Variants in NRG1 observed in about 807,000 individuals in gnomAD.
The protein encoded by NRG1 is pro-neuregulin-1, membrane-bound isoform.
A neutral mutation model predicts 63.8 loss-of-function variants in NRG1; 18 were observed. The ratio of observed to expected loss-of-function variants is 0.28; its 90% confidence interval spans 0.19 to 0.42. The LOEUF is 0.42. Ranked by LOEUF, NRG1 falls within the 10% of genes least tolerant of loss-of-function variation. The pLI is 1.00. For synonymous variants in NRG1, 302 were observed against 301.3 expected, an observed-to-expected ratio of 1.00 and a Z score of -0.02; for missense variants, 762 against 814.7, an observed-to-expected ratio of 0.94 and a Z score of 0.79.
At chr8:31,788,832 G>A (rs928464469) in intron 1 of NRG1, among the ~76,000 whole-genome samples, 2 of 152,192 alleles carry the variant, frequency 1.3e-5, no homozygotes, top group Non-Finnish European at 2.9e-5. Flanking sequence ...CTAACAACAA[G>A]TAAGTGAAGG....
intron 1 of NRG1, among the ~76,000 whole-genome samples, chr8:32,463,058 G>T (rs909210557): frequency 1.3e-5 from 2 of 151,190 alleles, no homozygotes; most frequent in East Asian, 3.9e-4. Flanking sequence ...GTAAGATCGT[G>T]CAGTAGTTTT....
chr8:32,156,671 C>A (rs1189947940), intron 1 of NRG1, among the ~76,000 whole-genome samples: 1 of 152,222 alleles, frequency 6.6e-6, no homozygotes, highest in African/African-American at 2.4e-5. Flanking sequence ...ATAAAGCTGG[C>A]AAGCACTGAT....
At chr8:32,182,779 A>AT (rs553932624) in intron 1 of NRG1, among the ~76,000 whole-genome samples, 303 of 152,140 alleles carry the variant, frequency 2.0e-3, no homozygotes, top group African/African-American at 6.8e-3. Context: ...TATGGTTTAT[A>AT]TTTTTTGCTG....
intron 1 of NRG1, among the ~76,000 whole-genome samples, chr8:32,423,486 A>C (rs1172523142): frequency 1.3e-5 from 2 of 152,166 alleles, no homozygotes; most frequent in African/African-American, 4.8e-5. Context: ...TCTACAAAAA[A>C]TACAAAAAAT....
intron 5 of NRG1, among the ~76,000 whole-genome samples, chr8:32,694,925 A>T (rs1010589201): frequency 6.6e-6 from 1 of 152,134 alleles, no homozygotes; most frequent in Admixed American, 6.5e-5. Context: ...AGTCCTCTTT[A>T]CTTTGAGTCA....
At chr8:32,123,993 TA>T (rs564317906) in intron 1 of NRG1, among the ~76,000 whole-genome samples, 2 of 151,830 alleles carry the variant, frequency 1.3e-5, no homozygotes, top group African/African-American at 2.4e-5. Flanking sequence ...ATCCTAAAAC[TA>T]AAAAAAGGAA....
chr8:32,143,201 G>A (rs1038306167), intron 1 of NRG1, among the ~76,000 whole-genome samples: 40 of 152,084 alleles, frequency 2.6e-4, no homozygotes, highest in African/African-American at 8.9e-4. Flanking sequence ...TCACAGAGCA[G>A]ATGGCCTGTG....
intron 1 of NRG1, among the ~76,000 whole-genome samples, chr8:31,790,130 C>T (rs1319376232): frequency 2.6e-5 from 4 of 152,154 alleles, no homozygotes; most frequent in Admixed American, 2.6e-4. Context: ...CCCACTAATA[C>T]ACATTTCAGG....
In NRG1 at chr8:32,483,963, C is replaced by T. The variant is rs573510964; in HGVS notation, c.38-111865C>T. On this transcript the variant is annotated intron_variant, in intron 1 of 10. Transcript: ENST00000519301. ...ACTAAAAATACAAAAATTAGCCAGG[C>T]GTGGTGTCAGGCGCCTGCAGTCCCA... Among the ~76,000 whole-genome samples the T allele has an allele frequency of 8.6e-5, 13 of 151,970 alleles. No individual in the cohort carries two copies. In the East Asian group the frequency reaches 1.9e-3, roughly 23 times the overall value.
intron 1 of NRG1, among the ~76,000 whole-genome samples, chr8:32,311,315 C>T (rs765629674): frequency 2.0e-5 from 3 of 152,180 alleles, no homozygotes; most frequent in Admixed American, 6.5e-5. Context: ...TAAGTGCTAC[C>T]GATAAGATGA....
At chr8:32,008,109 T>C (rs1050522332) in intron 1 of NRG1, among the ~76,000 whole-genome samples, 1 of 152,064 alleles carries the variant, frequency 6.6e-6, no homozygotes, top group Non-Finnish European at 1.5e-5. Context: ...AAAATGAGTC[T>C]GTTGATGTAG....
At chr8:32,371,697 T>C (rs1808882871) in intron 1 of NRG1, among the ~76,000 whole-genome samples, 1 of 152,184 alleles carries the variant, frequency 6.6e-6, no homozygotes, top group African/African-American at 2.4e-5. Flanking sequence ...CATTCTCCTT[T>C]CTGCCATCTG....
In NRG1 at chr8:31,943,531, G is replaced by GAAATAAATAAATAAATAAAT. The variant is rs55983255; in HGVS notation, c.37+304109_37+304128dup. Among the ~76,000 whole-genome samples, 295 of 148,660 alleles carry GAAATAAATAAATAAATAAAT rather than the reference G, an allele frequency of 2.0e-3. 1 individual carries two copies. The highest frequency in any genetic ancestry group is 5.8e-3 in the African/African-American group (233 of 40,330). On this transcript the variant is annotated intron_variant, in intron 1 of 10. Transcript: ENST00000519301. ...ACCCCCTGTTCCCCAAAAACCTATT[G>GAAATAAATAAATAAATAAAT]AAATAAATAAATAAATAAATAAATA...
At chr8:31,685,212 G>T (rs573781040) in intron 1 of NRG1, among the ~76,000 whole-genome samples, 51 of 152,200 alleles carry the variant, frequency 3.4e-4, no homozygotes, top group African/African-American at 1.2e-3. Context: ...TTTAACCATG[G>T]TTAATGGACA....
At chr8:31,783,328 T>C (rs1284856696) in intron 1 of NRG1, among the ~76,000 whole-genome samples, 1 of 152,200 alleles carries the variant, frequency 6.6e-6, no homozygotes, top group Admixed American at 6.5e-5. Flanking sequence ...AATAGTTTTT[T>C]TGCTAAACAA....
At chr8:31,734,083 G>A (rs1414443894) in intron 1 of NRG1, among the ~76,000 whole-genome samples, 1 of 152,140 alleles carries the variant, frequency 6.6e-6, no homozygotes, top group Non-Finnish European at 1.5e-5. Flanking sequence ...GCTCATGCAT[G>A]TAATCCCAGG....
chr8:32,049,422 A>G (rs758073623), intron 1 of NRG1, among the ~76,000 whole-genome samples: 49 of 152,080 alleles, frequency 3.2e-4, no homozygotes, highest in Non-Finnish European at 5.4e-4. Context: ...AAGCCCAGAA[A>G]CACTTGTTGT....
chr8:32,163,761 C>T (rs992631824), intron 1 of NRG1, among the ~76,000 whole-genome samples: 3 of 152,194 alleles, frequency 2.0e-5, no homozygotes, highest in South Asian at 2.1e-4. Context: ...AACACTGGTA[C>T]GTTAGGAATA....
At chr8:32,376,238 G>C (rs1459135512) in intron 1 of NRG1, among the ~76,000 whole-genome samples, 1 of 152,202 alleles carries the variant, frequency 6.6e-6, no homozygotes, top group Non-Finnish European at 1.5e-5. Flanking sequence ...CTAATATTCA[G>C]AGCAAAATGG....
Sources: gnomAD v4.1 joint callset for allele counts (sites outside exome capture counted in the v4.1 genomes callset) on GRCh38, gnomAD v4.1.1 for gene constraint, MANE v1.5 for transcripts, NCBI Gene and HGNC (gene_info 2026-07-23, HGNC 2026-07-21) for gene names.